Variants in LIAT1 observed in about 807,000 individuals in gnomAD.
The protein encoded by LIAT1 is ligand of ATE1.
chr17:410,647 G>GT, the LIAT1 span: 1 of 1,539,294 alleles, frequency 6.5e-7, no homozygotes, highest in East Asian at 2.4e-5. Flanking sequence ...AAGGGGGACG[G>GT]TAAGAGGAGC....
the LIAT1 span, among the ~76,000 whole-genome samples, chr17:411,240 CTG>C: frequency 2.0e-5 from 3 of 152,234 alleles, no homozygotes; most frequent in East Asian, 5.8e-4. Context: ...ACACCAGTCA[CTG>C]TGACATCCTC....
chr17:411,390 G>A, the LIAT1 span, among the ~76,000 whole-genome samples: 5 of 152,150 alleles, frequency 3.3e-5, no homozygotes, highest in Admixed American at 2.0e-4. Flanking sequence ...ACTAAAGGGC[G>A]GGACGCAGTG....
chr17:410,406 C>CCT, the LIAT1 span: 5 of 1,531,650 alleles, frequency 3.3e-6, no homozygotes, highest in Non-Finnish European at 4.4e-6. Flanking sequence ...CGGCATCGGG[C>CCT]CTCGGGCGCC....
At chr17:414,136 C>T in the LIAT1 span, 6 of 1,602,920 alleles carry the variant, frequency 3.7e-6, no homozygotes, top group Admixed American at 3.4e-5. The surrounding 1 kb of genome is among the most constrained non-coding windows in gnomAD (Gnocchi z 4.1). Flanking sequence ...ACGACGCTCA[C>T]AAACTTATAA....
the LIAT1 span, chr17:414,343 C>A: frequency 1.8e-6 from 1 of 545,606 alleles, no homozygotes; most frequent in Non-Finnish European, 3.2e-6. The surrounding 1 kb of genome is among the most constrained non-coding windows in gnomAD (Gnocchi z 4.1). Context: ...TCAGAATTTC[C>A]TTTTTCTTAA....
the LIAT1 span, among the ~76,000 whole-genome samples, chr17:412,908 G>A: frequency 2.0e-4 from 31 of 152,344 alleles, no homozygotes; most frequent in Admixed American, 3.9e-4. Context: ...AGGGCCGATC[G>A]CCTTTACCCA....
At chr17:413,154 A>G in the LIAT1 span, 2 of 1,613,848 alleles carry the variant, frequency 1.2e-6, no homozygotes, top group Non-Finnish European at 1.7e-6. Context: ...GCAGATAAAC[A>G]TCAGAGTCAG....
chr17:412,441 C>A, the LIAT1 span, among the ~76,000 whole-genome samples: 3 of 152,030 alleles, frequency 2.0e-5, no homozygotes, highest in African/African-American at 7.3e-5. Context: ...GTTTCCAGGG[C>A]GTAGCAAGGG....
the LIAT1 span, among the ~76,000 whole-genome samples, chr17:412,675 C>G: frequency 6.6e-6 from 1 of 152,206 alleles, no homozygotes; most frequent in East Asian, 1.9e-4. Context: ...GTTTTCCGTT[C>G]CTTCCATCAT....
chr17:411,994 T>C, the LIAT1 span, among the ~76,000 whole-genome samples: 1 of 151,948 alleles, frequency 6.6e-6, no homozygotes, highest in Non-Finnish European at 1.5e-5. Context: ...CCGTGCAGTG[T>C]GGGAAGGGAG....
At chr17:414,268 C>A in the LIAT1 span, 1 of 933,734 alleles carries the variant, frequency 1.1e-6, no homozygotes, top group Non-Finnish European at 1.6e-6. This position sits in a 1 kb window ranked among gnomAD's most constrained non-coding sequence, Gnocchi z 4.1. Flanking sequence ...ACCAAGCTGC[C>A]CTCGGTTGCC....
At chr17:410,427 G>C in the LIAT1 span, 1 of 1,538,352 alleles carries the variant, frequency 6.5e-7, no homozygotes, top group Non-Finnish European at 8.7e-7. Flanking sequence ...CCCGGGGCGG[G>C]TTGGGTTGCA....
the LIAT1 span, chr17:413,156 C>T: frequency 1.2e-6 from 2 of 1,613,850 alleles, no homozygotes; most frequent in Non-Finnish European, 1.7e-6. Context: ...AGATAAACAT[C>T]AGAGTCAGAG....
the LIAT1 span, chr17:410,653 G>T: frequency 6.5e-7 from 1 of 1,538,172 alleles, no homozygotes. Flanking sequence ...GACGGTAAGA[G>T]GAGCAGCTAG....
chr17:410,743 C>T, the LIAT1 span: 5 of 1,195,410 alleles, frequency 4.2e-6, no homozygotes, highest in Non-Finnish European at 4.7e-6. Context: ...GAAACAGAAG[C>T]TCAGTGGTCC....
the LIAT1 span, chr17:410,499 G>A: frequency 5.8e-6 from 9 of 1,544,592 alleles, no homozygotes; most frequent in Middle Eastern, 1.7e-4. Flanking sequence ...GGACAACGAC[G>A]GCGAGGAGGA....
the LIAT1 span, among the ~76,000 whole-genome samples, chr17:411,366 A>T: frequency 1.3e-5 from 2 of 152,172 alleles, no homozygotes; most frequent in African/African-American, 4.8e-5. Context: ...TATCAATGTA[A>T]CACCAACAGT....
the LIAT1 span, among the ~76,000 whole-genome samples, chr17:411,336 C>T: frequency 6.6e-6 from 1 of 152,192 alleles, no homozygotes; most frequent in Admixed American, 6.5e-5. Flanking sequence ...GGGACACCCT[C>T]AACCACTCCC....
the LIAT1 span, among the ~76,000 whole-genome samples, chr17:411,696 T>C: frequency 1.2e-4 from 18 of 152,258 alleles, no homozygotes; most frequent in South Asian, 3.7e-3. Flanking sequence ...ACACATACCC[T>C]ACCTGCCATA....
Sources: allele counts gnomAD v4.1 joint callset (sites outside exome capture counted in the v4.1 genomes callset), GRCh38; gene constraint gnomAD v4.1.1; non-coding constraint Gnocchi (gnomAD v3.1); transcripts MANE v1.5; gene names NCBI Gene and HGNC (gene_info 2026-07-23, HGNC 2026-07-21).